NYAP2: variants seen among roughly 807,000 people sequenced by gnomAD.
NYAP2 encodes the protein neuronal tyrosine-phosphorylated phosphoinositide-3-kinase adapter 2.
In NYAP2, 23 loss-of-function variants were observed where a neutral mutation model predicts 50.4. The ratio of observed to expected loss-of-function variants is 0.46; its 90% CI spans 0.33 to 0.65. The LOEUF (loss-of-function observed/expected upper bound fraction) is 0.65, where lower values mean the gene tolerates loss of function less well. NYAP2 is among the 30% of genes least tolerant of loss of function. NYAP2 has a pLI of 0.02. For synonymous variants in NYAP2, 394 were observed against 365.2 expected, an observed-to-expected ratio of 1.08 and a Z score of -0.90; for missense variants, 885 against 861.0, an observed-to-expected ratio of 1.03 and a Z score of -0.35.
chr2:225,562,889 G>C (rs972519688), intron 4 of NYAP2, among the ~76,000 whole-genome samples: 2 of 152,090 alleles, frequency 1.3e-5, no homozygotes, highest in Non-Finnish European at 2.9e-5. Flanking sequence ...TACTTCAATA[G>C]TGACAAGCTG....
chr2:225,568,932 A>T (rs1488207095), intron 4 of NYAP2, among the ~76,000 whole-genome samples: 1 of 152,226 alleles, frequency 6.6e-6, no homozygotes, highest in East Asian at 1.9e-4. Context: ...AAAAAGGGAG[A>T]TAAGAGAAAA....
intron 3 of NYAP2, among the ~76,000 whole-genome samples, chr2:225,475,468 G>T (rs1193631622): frequency 6.6e-6 from 1 of 152,120 alleles, no homozygotes; most frequent in African/African-American, 2.4e-5. Flanking sequence ...AGTTTCATTT[G>T]ATGTATATGA....
At position 225,622,518 on chromosome 2, in the gene NYAP2, C is replaced by CTTCTTTCTTTCTTTCTTTCTTTCTTTCT. The variant is rs1553557351; in HGVS notation, c.1619-4384_1619-4357dup. ...TTTTATTTCTTTTCTTTCTTTCTTT[C>CTTCTTTCTTTCTTTCTTTCTTTCTTTCT]TTCTTTCTTTCTTTCTTTCTTTCTT... On this transcript the variant is annotated intron_variant, in intron 5 of 6. Transcript: ENST00000636099. Among the ~76,000 whole-genome samples the CTTCTTTCTTTCTTTCTTTCTTTCTTTCT allele has an allele frequency of 1.3e-4, 9 of 70,420 alleles. 1 individual carries two copies. Among genetic ancestry groups the CTTCTTTCTTTCTTTCTTTCTTTCTTTCT allele is most frequent in the African/African-American group, 3.3e-4 (8 of 24,056 alleles). 46.2% of individuals were successfully genotyped at this position (70,420 alleles called of 152,430 possible).
chr2:225,622,559 T>TTCTTTCTTTCTTCTTTC (rs767090288), intron 5 of NYAP2, among the ~76,000 whole-genome samples: 22 of 56,828 alleles, frequency 3.9e-4, no homozygotes, highest in Non-Finnish European at 7.2e-4. Flanking sequence ...CTTTCTTTCT[T>TTCTTTCTTTCTTCTTTC]TTTCTTTCTT....
At chr2:225,678,038 T>A in the NYAP2 span, among the ~76,000 whole-genome samples, 1 of 152,150 alleles carries the variant, frequency 6.6e-6, no homozygotes, top group African/African-American at 2.4e-5. Flanking sequence ...TGAGTCCATC[T>A]GGTCCAGGTC....
chr2:225,491,537 T>C (rs112804969), intron 3 of NYAP2, among the ~76,000 whole-genome samples: 2 of 152,140 alleles, frequency 1.3e-5, no homozygotes, highest in African/African-American at 2.4e-5. Context: ...AAATATAGAG[T>C]CTTCATCAAA....
chr2:225,424,041 G>T (rs1239807486), intron 3 of NYAP2, among the ~76,000 whole-genome samples: 3 of 152,094 alleles, frequency 2.0e-5, no homozygotes, highest in Non-Finnish European at 4.4e-5. Flanking sequence ...GTAATATCAT[G>T]AATTCAAGAT....
the NYAP2 span, chr2:225,700,463 C>T: frequency 3.3e-5 from 5 of 151,588 alleles, no homozygotes; most frequent in African/African-American, 1.2e-4. Context: ...TCTTAAGTAG[C>T]TTAAATAAAA....
rs3748992 is a variant in NYAP2, at chr2:225,513,569, A to G, written c.420A>G (p.Pro140=). 1.9e-6 allele frequency: 3 copies of G among 1,606,078 alleles called. No homozygotes were observed. In the East Asian group the frequency reaches 6.7e-5, roughly 36 times the overall value. ...GCTGTGGCTCACGGAGACAACCACC[A>G]CCCAAACCCAAGAGGGACCCCAGCA... The change falls in exon 4 of 7, where the codon CCA becomes CCG. Residue 140 remains proline, a synonymous_variant. Coordinates refer to ENST00000636099, the Ensembl canonical transcript of NYAP2.
In NYAP2 at chr2:225,504,738, G is replaced by A. The variant is rs147323821; in HGVS notation, c.222-8633G>A. ...AAATATATCATTTTAGGCCAGGCAC[G>A]GTGGCTCATGCCTGTAACCCCAGCA... On this transcript the variant is annotated intron_variant, in intron 3 of 6. Transcript: ENST00000636099. Among the ~76,000 whole-genome samples the A allele has an allele frequency of 6.2e-3, 941 of 152,096 alleles. 7 individuals carry two copies. The highest frequency in any genetic ancestry group is 0.021 in the African/African-American group (880 of 41,484).
chr2:225,582,668 G>C lies in NYAP2; in HGVS notation c.1251G>C (p.Pro417=), dbSNP rs371641080. The C allele has an allele frequency of 1.3e-6, 2 of 1,595,240 alleles. No individual in the cohort carries two copies. Among genetic ancestry groups the C allele is most frequent in the South Asian group, 2.3e-5 (2 of 88,124 alleles). ...CGCTCTCCTCGTCGCCCCCACCCCC[G>C]TCTACGCTGTACCGAACCCAGTCTC... Residue 417 remains proline (P), a synonymous_variant, in exon 5 of 7, where the codon CCG becomes CCC. Coordinates refer to ENST00000636099, the Ensembl canonical transcript of NYAP2. The surrounding 1 kb of genome is among the most constrained non-coding windows in gnomAD (Gnocchi z 7.0).
intron 4 of NYAP2, among the ~76,000 whole-genome samples, chr2:225,577,619 C>T (rs1489069909): frequency 6.6e-6 from 1 of 152,026 alleles, no homozygotes; most frequent in Non-Finnish European, 1.5e-5. Context: ...AAATTATTTA[C>T]TCAATACTTG....
At chr2:225,692,582 T>A in the NYAP2 span, among the ~76,000 whole-genome samples, 674 of 151,966 alleles carry the variant, frequency 4.4e-3, 6 homozygotes, top group African/African-American at 0.014. Flanking sequence ...CATGTATTTT[T>A]TATATATATA....
intron 5 of NYAP2, among the ~76,000 whole-genome samples, chr2:225,610,826 A>G (rs1437599332): frequency 6.6e-6 from 1 of 152,190 alleles, no homozygotes; most frequent in African/African-American, 2.4e-5. Flanking sequence ...CCTTCTAAAC[A>G]TGCACAATGC....
rs183609870 is a variant in NYAP2, at chr2:225,586,069, G to T, written c.1618+3034G>T. Reference sequence around the variant, plus strand: ...TGATATCTCTATTTTCCAAGCCTCTGTTGGTTTAGTGGAGAAGTCAATTTT... The same window carrying T: ...TGATATCTCTATTTTCCAAGCCTCTTTTGGTTTAGTGGAGAAGTCAATTTT... On this transcript the variant is annotated intron_variant, in intron 5 of 6. Coordinates refer to ENST00000636099, the Ensembl canonical transcript of NYAP2. 7.9e-5 allele frequency among the ~76,000 whole-genome samples: 12 copies of T among 152,272 alleles called. No homozygotes were observed. The East Asian group carries it at 2.1e-3, about 27-fold the overall frequency.
At chr2:225,602,062 T>C (rs1482665316) in intron 5 of NYAP2, among the ~76,000 whole-genome samples, 16 of 152,164 alleles carry the variant, frequency 1.1e-4, no homozygotes. Flanking sequence ...AAGTTTATTA[T>C]GCAAAAGAGG....
At chr2:225,669,256 A>G in the NYAP2 span, among the ~76,000 whole-genome samples, 1 of 152,112 alleles carries the variant, frequency 6.6e-6, no homozygotes, top group Admixed American at 6.6e-5. Context: ...TTTTTACAAA[A>G]GAGATCAAAA....
intron 4 of NYAP2, among the ~76,000 whole-genome samples, chr2:225,552,766 C>T (rs560478055): frequency 5.3e-4 from 81 of 152,326 alleles, no homozygotes; most frequent in Admixed American, 2.0e-3. Context: ...TCTCGGCTCA[C>T]AGCAACCTCT....
At chr2:225,534,887 T>C (rs35979333) in intron 4 of NYAP2, among the ~76,000 whole-genome samples, 32,361 of 152,088 alleles carry the variant, frequency 0.21, 3,439 homozygotes, top group East Asian at 0.23. Flanking sequence ...CCAGACCTTG[T>C]TGGGAGTGCG....
Sources: allele counts gnomAD v4.1 joint callset (sites outside exome capture counted in the v4.1 genomes callset), GRCh38; gene constraint gnomAD v4.1.1; non-coding constraint Gnocchi (gnomAD v3.1); transcripts MANE v1.5; gene names NCBI Gene and HGNC (gene_info 2026-07-23, HGNC 2026-07-21).